ROBO1: variants seen among roughly 807,000 people sequenced by gnomAD.
The protein encoded by ROBO1 is roundabout guidance receptor 1.
In ROBO1, 149 loss-of-function variants were observed where a neutral mutation model predicts 195.9. The observed-to-expected ratio is 0.76, with a 90% CI of 0.67 to 0.87. The LOEUF is 0.87. ROBO1 is among the 40% of genes least tolerant of loss of function. ROBO1 has a pLI of 0.00. For synonymous variants in ROBO1, 816 were observed against 733.2 expected, an observed-to-expected ratio of 1.11 and a Z score of -1.82; for missense variants, 1,933 against 2,068.3, an observed-to-expected ratio of 0.93 and a Z score of 1.27.
At chr3:79,372,214 T>C (rs1254086842) in intron 2 of ROBO1, among the ~76,000 whole-genome samples, 1 of 150,852 alleles carries the variant, frequency 6.6e-6, no homozygotes, top group Admixed American at 6.6e-5. Flanking sequence ...TTTTTTTTTT[T>C]TTTCTTTTTT....
intron 1 of ROBO1, among the ~76,000 whole-genome samples, chr3:79,593,824 C>T (rs544946960): frequency 3.6e-4 from 55 of 151,854 alleles, no homozygotes; most frequent in South Asian, 6.2e-4. Context: ...ACCATGTGGC[C>T]CAGGCTGATC....
intron 4 of ROBO1, among the ~76,000 whole-genome samples, chr3:78,906,893 A>G (rs1041866925): frequency 6.6e-6 from 1 of 152,078 alleles, no homozygotes; most frequent in Non-Finnish European, 1.5e-5. Flanking sequence ...ATTGTTTTAC[A>G]TTTTTGCAAA....
At position 78,774,555 on chromosome 3, in the gene ROBO1, C is replaced by G. The variant is rs539945241; in HGVS notation, c.500-27655G>C. Among the ~76,000 whole-genome samples the G allele has an allele frequency of 2.7e-4, 41 of 152,046 alleles. No homozygotes were observed. In the South Asian group the frequency reaches 8.3e-3, roughly 31 times the overall value. On this transcript the variant is annotated intron_variant, in intron 4 of 30. Coordinates refer to ENST00000464233, the MANE Select transcript of ROBO1 (RefSeq NM_002941.4). ...TCGATCTCCTGACCTTGTGATCCGA[C>G]AGCCTTGGTCTCCCAAAGTGCTGGG...
chr3:79,762,954 G>A (rs762046593), intron 1 of ROBO1, among the ~76,000 whole-genome samples: 1 of 152,076 alleles, frequency 6.6e-6, no homozygotes, highest in Non-Finnish European at 1.5e-5. Context: ...ATGAGGCAGA[G>A]GGACATAGCA....
intron 4 of ROBO1, among the ~76,000 whole-genome samples, chr3:78,777,654 C>T (rs1010117328): frequency 6.6e-6 from 1 of 151,962 alleles, no homozygotes; most frequent in African/African-American, 2.4e-5. Flanking sequence ...AAGGAGGAGC[C>T]AAAACAAAAA....
At chr3:79,363,100 C>A (rs1370616455) in intron 2 of ROBO1, among the ~76,000 whole-genome samples, 1 of 152,158 alleles carries the variant, frequency 6.6e-6, no homozygotes, top group Non-Finnish European at 1.5e-5. Flanking sequence ...GAGAGAGCCA[C>A]TCTTTTCTTC....
rs748393078 is a variant in ROBO1, at chr3:78,651,867, C to T, written c.2677G>A (p.Val893Met). 6 of 1,613,812 alleles carry T rather than the reference C, an allele frequency of 3.7e-6. No homozygotes were observed. The highest frequency in any genetic ancestry group is 1.1e-5 in the South Asian group (1 of 91,086). The stretch of plus-strand genomic sequence containing the variant: ...GCTATGAAGGCCGGCTGCTTCACCA[C>T]ATCTGAAATCTGCTGAGCGAGGCTG... ...QVSLAQQISD[V>M]VKQPAFIAGI... Residue 893 changes from valine (V) to methionine (M), a missense_variant, in exon 19 of 31, where the codon GTG (valine) becomes ATG (methionine). Transcript: ENST00000464233.
At chr3:79,339,995 C>G (rs1234582140) in intron 2 of ROBO1, among the ~76,000 whole-genome samples, 1 of 152,190 alleles carries the variant, frequency 6.6e-6, no homozygotes, top group Non-Finnish European at 1.5e-5. Context: ...CAAGTTCCAA[C>G]TCTCTATGTT....
At chr3:78,619,967 A>G (rs560829545) in intron 26 of ROBO1, among the ~76,000 whole-genome samples, 1 of 151,428 alleles carries the variant, frequency 6.6e-6, no homozygotes, top group African/African-American at 2.4e-5. Context: ...GCAGTGAGCC[A>G]AGATCAAACC....
At chr3:78,790,323 A>T (rs2083979135) in intron 4 of ROBO1, among the ~76,000 whole-genome samples, 1 of 151,910 alleles carries the variant, frequency 6.6e-6, no homozygotes, top group South Asian at 2.1e-4. Flanking sequence ...TTTATTTTTT[A>T]ATTTTTGTGG....
At chr3:78,899,430 A>G (rs1007104444) in intron 4 of ROBO1, among the ~76,000 whole-genome samples, 1 of 152,192 alleles carries the variant, frequency 6.6e-6, no homozygotes, top group African/African-American at 2.4e-5. Context: ...TTGCAATTCA[A>G]TATTCAATAA....
At chr3:79,293,520 C>T (rs879906632) in intron 2 of ROBO1, among the ~76,000 whole-genome samples, 2 of 152,118 alleles carry the variant, frequency 1.3e-5, no homozygotes, top group African/African-American at 4.8e-5. Context: ...TCCTTTAGTG[C>T]TATAATTTTC....
intron 2 of ROBO1, among the ~76,000 whole-genome samples, chr3:79,189,183 A>G (rs2081494636): frequency 6.6e-6 from 1 of 151,848 alleles, no homozygotes; most frequent in Non-Finnish European, 1.5e-5. Context: ...TGAAAAATGC[A>G]TTTATGAACA....
intron 1 of ROBO1, among the ~76,000 whole-genome samples, chr3:79,712,005 C>A (rs1702297515): frequency 6.6e-6 from 1 of 151,944 alleles, no homozygotes. Context: ...GTTCTGACTG[C>A]TCCACATACC....
chr3:78,902,186 T>C (rs1200135407), intron 4 of ROBO1, among the ~76,000 whole-genome samples: 2 of 152,184 alleles, frequency 1.3e-5, no homozygotes, highest in Non-Finnish European at 2.9e-5. Context: ...TAGAATTTTA[T>C]AGAAAGCTCT....
chr3:79,398,198 C>T (rs2037223343), intron 2 of ROBO1, among the ~76,000 whole-genome samples: 1 of 152,004 alleles, frequency 6.6e-6, no homozygotes, highest in Non-Finnish European at 1.5e-5. Flanking sequence ...CCTTATATTG[C>T]ATTCTTTGTT....
intron 5 of ROBO1, 94 bp from the exon 6 acceptor site, chr3:78,717,977 A>T: frequency 8.2e-7 from 1 of 1,225,506 alleles, no homozygotes; most frequent in Non-Finnish European, 1.2e-6. Context: ...CTTTCTAAGC[A>T]TATAAATCAA....
intron 2 of ROBO1, among the ~76,000 whole-genome samples, chr3:79,344,566 G>A (rs75767611): frequency 6.0e-4 from 91 of 152,278 alleles, no homozygotes; most frequent in African/African-American, 2.1e-3. Context: ...ACACTTGTGG[G>A]AAACTGGTTT....
At chr3:78,665,889 C>A (rs916652063) in intron 14 of ROBO1, among the ~76,000 whole-genome samples, 1 of 151,822 alleles carries the variant, frequency 6.6e-6, no homozygotes, top group African/African-American at 2.4e-5. Flanking sequence ...TTCCAGTTAA[C>A]AAGGATTCAT....
Sources: gnomAD v4.1 joint callset for allele counts (sites outside exome capture counted in the v4.1 genomes callset) on GRCh38, gnomAD v4.1.1 for gene constraint, MANE v1.5 for transcripts, NCBI Gene and HGNC (gene_info 2026-07-23, HGNC 2026-07-21) for gene names.